The following VEPH1 variants were observed in gnomAD, a reference collection of about 807,000 sequenced individuals.
VEPH1 encodes the protein ventricular zone-expressed PH domain-containing protein homolog 1.
Under a neutral mutation model 85.2 loss-of-function variants are expected in VEPH1, and 80 were observed. That is an observed-to-expected ratio of 0.94 (90% CI 0.78 to 1.13). VEPH1 has a LOEUF of 1.13. Ranked by LOEUF, VEPH1 falls within the 50% of genes most tolerant of loss-of-function variation. VEPH1 has a pLI of 0.00. For synonymous variants in VEPH1, 297 were observed against 348.0 expected (o/e 0.85, Z 1.63); for missense variants, 955 against 980.5 (o/e 0.97, Z 0.35).
intron 4 of VEPH1, among the ~76,000 whole-genome samples, chr3:157,438,990 G>T (rs893165717): frequency 1.3e-5 from 2 of 152,252 alleles, no homozygotes; most frequent in East Asian, 1.9e-4. Context: ...TAAAGTTAAA[G>T]AATTTTATGT....
intron 9 of VEPH1, among the ~76,000 whole-genome samples, chr3:157,356,290 C>A (rs1725422895): frequency 6.6e-6 from 1 of 152,138 alleles, no homozygotes; most frequent in African/African-American, 2.4e-5. Flanking sequence ...CTAATGTGAA[C>A]AGGGTAAAAA....
chr3:157,381,320 A>G lies in VEPH1; in HGVS notation c.963T>C (p.His321=), dbSNP rs116855258. ...YLVSQLANME[H]SFHHILLLEI... ...CCAGCAGGAGAATATGGTGAAACGA[A>G]TGCTCCATGTTGGCCAGTTGGCTCA... The change falls in exon 7 of 14, where the codon CAT becomes CAC. Residue 321 remains histidine, a synonymous_variant. Transcript: ENST00000362010. 3,469 of 1,614,184 alleles carry G rather than the reference A, an allele frequency of 2.1e-3. 125 individuals are homozygous for G. The East Asian group carries it at 0.063, about 29-fold the overall frequency.
chr3:157,380,493 T>C (rs115910587), intron 7 of VEPH1, among the ~76,000 whole-genome samples: 1 of 152,350 alleles, frequency 6.6e-6, no homozygotes, highest in Non-Finnish European at 1.5e-5. Context: ...TCATACAAAA[T>C]GACTTCTGTT....
chr3:157,301,236 T>C (rs968246208), intron 11 of VEPH1, among the ~76,000 whole-genome samples: 8 of 152,188 alleles, frequency 5.3e-5, no homozygotes, highest in African/African-American at 1.9e-4. Context: ...TTGGTGGGTG[T>C]ACTTGTTCTG....
chr3:157,280,288 A>G (rs976172049), intron 12 of VEPH1, among the ~76,000 whole-genome samples: 5 of 152,102 alleles, frequency 3.3e-5, no homozygotes, highest in African/African-American at 1.2e-4. Context: ...GCTTCTCCTC[A>G]TCTATATATT....
At chr3:157,409,543 T>C (rs1731384628) in intron 6 of VEPH1, 1 of 862,098 alleles carries the variant, frequency 1.2e-6, no homozygotes, top group Non-Finnish European at 1.4e-6. Flanking sequence ...AAAAGATTTC[T>C]GAGTTAATCT....
chr3:157,473,274 A>G (rs1000844601), intron 2 of VEPH1, among the ~76,000 whole-genome samples: 9 of 151,776 alleles, frequency 5.9e-5, no homozygotes, highest in African/African-American at 1.9e-4. Context: ...GGGTTTCACC[A>G]TGTTAGTCAG....
Position 157,495,286 on chromosome 3 carries a change from AGAAGAGG to A in VEPH1, c.57_63del (p.Leu20ProfsTer2). The A allele has an allele frequency of 1.2e-6, 2 of 1,614,048 alleles. No homozygotes were observed. On this transcript the variant is annotated frameshift_variant, in exon 2 of 14. Coordinates refer to ENST00000362010, the MANE Select transcript of VEPH1 (RefSeq NM_001167912.2). LOFTEE classifies it high-confidence loss of function. The stretch of plus-strand genomic sequence containing the variant: ...TCTTCAATCTCAGAGTCATCTAAGG[AGAAGAGG>A]TCCCCAGCTCGTGAAAGATCTTTTT...
rs751228313 is a variant in VEPH1 at position 157,470,380 on chromosome 3, G to C, written c.288C>G (p.Pro96=). 3 of 1,613,988 alleles carry C rather than the reference G, an allele frequency of 1.9e-6. No homozygotes were observed. Among genetic ancestry groups the C allele is most frequent in the Non-Finnish European group, 2.5e-6 (3 of 1,180,042 alleles). The change falls in exon 3 of 14, where the codon CCC becomes CCG. Residue 96 remains proline, a synonymous_variant. Transcript: ENST00000362010. ...WDSCLEHNLR[P]FGKDEDTPHA... ...GAGGAGTGTCTTCGTCTTTCCCAAA[G>C]GGTCTCAGGTTATGTTCCAAGCAGG...
chr3:157,428,421 G>A lies in VEPH1; in HGVS notation c.597C>T (p.His199=). ...YEKQPQPINR[H]LTELLALMSQ... ...ACATCAAGGCCAGGAGTTCTGTCAG[G>A]TGTCTATTAATTGGCTGAGGCTGCT... The change falls in exon 5 of 14, where the codon CAC becomes CAT. Residue 199 remains histidine (H), a synonymous_variant. Coordinates refer to ENST00000362010, the MANE Select transcript of VEPH1 (RefSeq NM_001167912.2). 1.2e-6 allele frequency: 2 copies of A among 1,614,106 alleles called. No individual in the cohort carries two copies. Among genetic ancestry groups the A allele is most frequent in the Non-Finnish European group, 1.7e-6 (2 of 1,180,010 alleles).
At chr3:157,356,791 A>C (rs1041897180) in intron 9 of VEPH1, among the ~76,000 whole-genome samples, 7 of 152,220 alleles carry the variant, frequency 4.6e-5, no homozygotes, top group Non-Finnish European at 1.0e-4. Context: ...AAATGGAAGA[A>C]TAACATTCAC....
Position 157,261,158 on chromosome 3 carries a change from A to G in VEPH1, c.2478T>C (p.Ser826=). The change falls in exon 14 of 14, where the codon AGT becomes AGC. Residue 826 remains serine (S), a synonymous_variant. Transcript: ENST00000362010. ...VAVAQAKERE[S]REVTTYL ...CCTACAGATATGTGGTTACTTCTCTACTTTCCCTTTCTTTGGCTTGGGCAA... is the reference window on the plus strand; with the variant it reads ...CCTACAGATATGTGGTTACTTCTCTGCTTTCCCTTTCTTTGGCTTGGGCAA... 6.2e-7 allele frequency: 1 copy of G among 1,613,676 alleles called. No homozygotes were observed. The highest frequency in any genetic ancestry group is 8.5e-7 in the Non-Finnish European group (1 of 1,179,716).
intron 9 of VEPH1, among the ~76,000 whole-genome samples, chr3:157,340,597 G>T (rs1408950176): frequency 3.3e-5 from 5 of 152,196 alleles, no homozygotes; most frequent in African/African-American, 1.2e-4. Flanking sequence ...CACCTCTGGA[G>T]GCAGGGCATA....
At chr3:157,347,006 A>C (rs1724298726) in intron 9 of VEPH1, among the ~76,000 whole-genome samples, 1 of 152,232 alleles carries the variant, frequency 6.6e-6, no homozygotes, top group Admixed American at 6.5e-5. Flanking sequence ...ACAATAGTCC[A>C]GGGAATGCAA....
chr3:157,455,885 C>A (rs1735336326), intron 4 of VEPH1, among the ~76,000 whole-genome samples: 1 of 152,146 alleles, frequency 6.6e-6, no homozygotes, highest in Non-Finnish European at 1.5e-5. Flanking sequence ...CTGCAATGAA[C>A]ATATGTGTGC....
At chr3:157,303,024 A>G (rs1719009979) in intron 11 of VEPH1, among the ~76,000 whole-genome samples, 1 of 152,262 alleles carries the variant, frequency 6.6e-6, no homozygotes, top group African/African-American at 2.4e-5. Context: ...ATGTATGTAT[A>G]TAGTTTAAAG....
intron 11 of VEPH1, among the ~76,000 whole-genome samples, chr3:157,299,657 A>T (rs994586553): frequency 1.3e-5 from 2 of 150,628 alleles, no homozygotes; most frequent in African/African-American, 4.8e-5. Context: ...GCTCTGCCTC[A>T]GGCCATGATG....
intron 4 of VEPH1, chr3:157,437,817 G>C (rs1372487918): frequency 2.0e-6 from 3 of 1,463,596 alleles, no homozygotes; most frequent in African/African-American, 1.5e-5. Flanking sequence ...CAGAGGAGGC[G>C]GGGCGCGCCC....
intron 6 of VEPH1, chr3:157,413,663 G>T: frequency 1.0e-6 from 1 of 985,144 alleles, no homozygotes; most frequent in African/African-American, 1.7e-5. Context: ...CCATGTAAAA[G>T]GACTGAAAGA....
Sources: allele counts gnomAD v4.1 joint callset (sites outside exome capture counted in the v4.1 genomes callset), GRCh38; gene constraint gnomAD v4.1.1; transcripts MANE v1.5; gene names NCBI Gene and HGNC (gene_info 2026-07-23, HGNC 2026-07-21).